Variants in ATXN1 observed in about 807,000 individuals in gnomAD.
ATXN1 encodes ataxin-1.
In ATXN1, 8 loss-of-function variants were observed where a neutral mutation model predicts 56.4. That is an observed-to-expected ratio of 0.14 (90% CI 0.08 to 0.26). The LOEUF is 0.26. Ranked by LOEUF, ATXN1 falls within the 10% of genes least tolerant of loss-of-function variation. The pLI is 1.00. For missense variants in ATXN1, 987 were observed against 1,106.5 expected, an observed-to-expected ratio of 0.89 and a Z score of 1.53; for synonymous variants, 514 against 494.6, an observed-to-expected ratio of 1.04 and a Z score of -0.52.
At chr6:16,594,631 C>T (rs1053675349) in intron 3 of ATXN1, among the ~76,000 whole-genome samples, 2 of 152,026 alleles carry the variant, frequency 1.3e-5, no homozygotes, top group Non-Finnish European at 2.9e-5. Context: ...TACAGGTGCG[C>T]ACCACCACCC....
chr6:16,511,126 G>A (rs954610540), intron 5 of ATXN1, among the ~76,000 whole-genome samples: 2 of 151,992 alleles, frequency 1.3e-5, no homozygotes, highest in African/African-American at 4.8e-5. Flanking sequence ...TTCCCACGTG[G>A]TAGATGAATC....
intron 3 of ATXN1, among the ~76,000 whole-genome samples, chr6:16,650,613 T>C (rs977305001): frequency 1.3e-5 from 2 of 152,234 alleles, no homozygotes; most frequent in Non-Finnish European, 2.9e-5. Flanking sequence ...CCTTCTTCCA[T>C]ATTTTAAGTT....
chr6:16,497,306 C>T (rs1760798255), intron 5 of ATXN1, among the ~76,000 whole-genome samples: 1 of 148,906 alleles, frequency 6.7e-6, no homozygotes. Flanking sequence ...CATAATAAGA[C>T]TGATGTAAAA....
At chr6:16,335,660 T>C (rs543151567) in intron 6 of ATXN1, among the ~76,000 whole-genome samples, 1 of 152,334 alleles carries the variant, frequency 6.6e-6, no homozygotes, top group African/African-American at 2.4e-5. Flanking sequence ...TGGCTTTATT[T>C]GGAAAAAGGG....
intron 4 of ATXN1, among the ~76,000 whole-genome samples, chr6:16,533,906 A>G (rs984649018): frequency 6.6e-6 from 1 of 152,166 alleles, no homozygotes; most frequent in South Asian, 2.1e-4. Flanking sequence ...TTACTCAGGT[A>G]TCATCCTTGC....
At chr6:16,476,430 T>C (rs1016665028) in intron 6 of ATXN1, among the ~76,000 whole-genome samples, 34 of 152,274 alleles carry the variant, frequency 2.2e-4, no homozygotes, top group African/African-American at 7.7e-4. Flanking sequence ...GTATTTCTTA[T>C]TCATATGAGA....
intron 7 of ATXN1, among the ~76,000 whole-genome samples, chr6:16,322,354 C>T (rs1232464221): frequency 2.0e-5 from 3 of 152,178 alleles, no homozygotes; most frequent in Admixed American, 6.5e-5. Flanking sequence ...ATCCGCACCC[C>T]TGGGTCTGTC....
chr6:16,627,573 A>G (rs1315794981), intron 3 of ATXN1, among the ~76,000 whole-genome samples: 2 of 152,102 alleles, frequency 1.3e-5, no homozygotes, highest in Non-Finnish European at 2.9e-5. Context: ...CTAAAAATAC[A>G]AACATTAGCC....
chr6:16,697,429 T>C (rs568371319), intron 2 of ATXN1, among the ~76,000 whole-genome samples: 1 of 152,326 alleles, frequency 6.6e-6, no homozygotes, highest in African/African-American at 2.4e-5. Flanking sequence ...TGTTGATTCA[T>C]CTTTTTAACA....
intron 6 of ATXN1, among the ~76,000 whole-genome samples, chr6:16,458,499 C>A (rs1759925370): frequency 6.6e-6 from 1 of 152,156 alleles, no homozygotes; most frequent in African/African-American, 2.4e-5. Context: ...CAAAAGCGAG[C>A]CCTTGGCCCT....
intron 6 of ATXN1, among the ~76,000 whole-genome samples, chr6:16,478,821 T>C (rs1322925508): frequency 6.6e-6 from 1 of 152,164 alleles, no homozygotes; most frequent in Non-Finnish European, 1.5e-5. Flanking sequence ...GAAAACCATT[T>C]TATCAAGAGC....
chr6:16,450,945 G>A (rs746420867), intron 6 of ATXN1, among the ~76,000 whole-genome samples: 1 of 152,192 alleles, frequency 6.6e-6, no homozygotes, highest in African/African-American at 2.4e-5. Flanking sequence ...CAACAGGGGC[G>A]GCGGGGGTTA....
intron 5 of ATXN1, among the ~76,000 whole-genome samples, chr6:16,496,537 G>A (rs552090245): frequency 5.9e-5 from 9 of 152,218 alleles, no homozygotes; most frequent in African/African-American, 1.9e-4. Flanking sequence ...GTCTGAGCTC[G>A]CTACAGGTCA....
chr6:16,624,101 A>G (rs1314451692), intron 3 of ATXN1, among the ~76,000 whole-genome samples: 1 of 152,232 alleles, frequency 6.6e-6, no homozygotes, highest in Non-Finnish European at 1.5e-5. Flanking sequence ...CTGTAATCCC[A>G]GCACTTTGGG....
In ATXN1 at chr6:16,481,089, A is replaced by C. The variant is rs189118937; in HGVS notation, c.-161+4883T>G. 2.6e-4 allele frequency among the ~76,000 whole-genome samples: 40 copies of C among 152,326 alleles called. 1 individual carries two copies. Among genetic ancestry groups the C allele is most frequent in the Middle Eastern group, 6.8e-3 (2 of 294 alleles). On this transcript the variant is annotated intron_variant, in intron 6 of 7. Coordinates refer to ENST00000436367, the MANE Select transcript of ATXN1 (RefSeq NM_001128164.2). The stretch of plus-strand genomic sequence containing the variant: ...AAATGGGTGAAAGAGAAAACTCTAG[A>C]AGACTTGAAGCTATCCCCAGTGCAC...
At chr6:16,556,385 CT>C (rs1389301616) in intron 4 of ATXN1, among the ~76,000 whole-genome samples, 1 of 152,140 alleles carries the variant, frequency 6.6e-6, no homozygotes, top group Admixed American at 6.6e-5. Context: ...GCTTCTTAGT[CT>C]TTTTACTTCG....
chr6:16,707,005 TG>T (rs1396799366), intron 2 of ATXN1, among the ~76,000 whole-genome samples: 1 of 152,162 alleles, frequency 6.6e-6, no homozygotes, highest in Admixed American at 6.5e-5. Flanking sequence ...GTCACCTAAA[TG>T]TCTCATTGGC....
intron 2 of ATXN1, among the ~76,000 whole-genome samples, chr6:16,725,891 T>C (rs1203049499): frequency 6.6e-6 from 1 of 152,222 alleles, no homozygotes; most frequent in East Asian, 1.9e-4. Flanking sequence ...AACAAGTGCA[T>C]ATGGGCAGGA....
At chr6:16,414,657 A>C (rs541886502) in intron 6 of ATXN1, among the ~76,000 whole-genome samples, 38 of 152,316 alleles carry the variant, frequency 2.5e-4, no homozygotes, top group African/African-American at 9.1e-4. Context: ...CAACAAAAAA[A>C]CGCTAAACCC....
Sources: allele counts gnomAD v4.1 joint callset (sites outside exome capture counted in the v4.1 genomes callset), GRCh38; gene constraint gnomAD v4.1.1; transcripts MANE v1.5; gene names NCBI Gene and HGNC (gene_info 2026-07-23, HGNC 2026-07-21).